EPHA10: variants seen among roughly 807,000 people sequenced by gnomAD.
EPHA10 encodes the protein EPH receptor A10, also known as ephrin type-A receptor 10.
Under a neutral mutation model 109.7 loss-of-function variants are expected in EPHA10, and 120 were observed. The ratio of observed to expected loss-of-function variants is 1.09; its 90% CI spans 0.94 to 1.27. The LOEUF (loss-of-function observed/expected upper bound fraction) is 1.27, where lower values mean the gene tolerates loss of function less well. Among genes scored for constraint, EPHA10 ranks in the 50% most tolerant of loss-of-function variants. The pLI is 0.00. For synonymous variants in EPHA10, 640 were observed against 618.9 expected, an observed-to-expected ratio of 1.03 and a Z score of -0.51; for missense variants, 1,396 against 1,411.1, an observed-to-expected ratio of 0.99 and a Z score of 0.17.
chr1:37,730,197 G>C (rs1645959197), intron 7 of EPHA10, among the ~76,000 whole-genome samples: 1 of 152,178 alleles, frequency 6.6e-6, no homozygotes, highest in Non-Finnish European at 1.5e-5. Context: ...GCCGAGGTCT[G>C]ACACTTTTTG....
At position 37,716,222 on chromosome 1, in the gene EPHA10, T is replaced by TTTGTTTAATGATAC; in HGVS notation, c.*2149_*2150insGTATCATTAAACAA. ...TGAGGCCTGGGACCCAACAGGATTCTGGGACCTCACTCCTCAGTGGAGGGG... is the reference window on the plus strand; with the variant it reads ...TGAGGCCTGGGACCCAACAGGATTCTTTGTTTAATGATACGGGACCTCACTCCTCAGTGGAGGGG... On this transcript the variant is annotated 3_prime_UTR_variant, in exon 17 of 17. Coordinates refer to ENST00000373048, the MANE Select transcript of EPHA10 (RefSeq NM_001099439.2). 2 of 316,164 alleles carry TTTGTTTAATGATAC rather than the reference T, an allele frequency of 6.3e-6. No individual in the cohort carries two copies. Among genetic ancestry groups the TTTGTTTAATGATAC allele is most frequent in the Non-Finnish European group, 1.2e-5 (2 of 168,344 alleles). 19.6% of individuals were successfully genotyped at this position (316,164 alleles called of 1,614,324 possible).
chr1:37,721,710 C>G lies in EPHA10; in HGVS notation c.2096G>C (p.Gly699Ala), dbSNP rs1453053073. 6.2e-7 allele frequency: 1 copy of G among 1,612,224 alleles called. No individual in the cohort carries two copies. Among genetic ancestry groups the G allele is most frequent in the African/African-American group, 1.3e-5 (1 of 74,892 alleles). ...LGFLAEALTL[G>A]QFDHSHIVRL... ...CACGATGTGGCTATGGTCAAACTGG[C>G]CCAGCGTGAGGGCCTCGGCCAGGAA... is the stretch of plus-strand genomic sequence containing the variant. Residue 699 changes from glycine to alanine, a missense_variant, in exon 11 of 17, where the codon GGC becomes GCC. Gly to Ala is a moderately conservative substitution (Grantham distance 60). Coordinates refer to ENST00000373048, the MANE Select transcript of EPHA10 (RefSeq NM_001099439.2).
chr1:37,733,018 G>A (rs1219912069), intron 6 of EPHA10, among the ~76,000 whole-genome samples: 1 of 150,524 alleles, frequency 6.6e-6, no homozygotes, highest in Non-Finnish European at 1.5e-5. Flanking sequence ...TCAGCCTCCT[G>A]AGTAGCTGGG....
chr1:37,726,956 T>C, intron 8 of EPHA10, 146 bp downstream of exon 8: 1 of 517,986 alleles, frequency 1.9e-6, no homozygotes, highest in Non-Finnish European at 3.3e-6. Flanking sequence ...GGGGCCGGGA[T>C]GATGCATGCC....
intron 8 of EPHA10, 116 bp from the exon 9 acceptor site, chr1:37,723,488 G>A: frequency 1.7e-6 from 2 of 1,171,474 alleles, no homozygotes; most frequent in Non-Finnish European, 2.4e-6. Context: ...TGCCCTGGGG[G>A]AGGGAACTTC....
chr1:37,735,510 G>T, intron 5 of EPHA10, 120 bp from the exon 6 acceptor site: 1 of 1,230,094 alleles, frequency 8.1e-7, no homozygotes, highest in Non-Finnish European at 1.1e-6. Flanking sequence ...CTGGGGCGTG[G>T]TCTAACGGGC....
chr1:37,726,068 C>T (rs1645887094), intron 8 of EPHA10, among the ~76,000 whole-genome samples: 1 of 152,224 alleles, frequency 6.6e-6, no homozygotes, highest in South Asian at 2.1e-4. Context: ...CTGGGGCGCT[C>T]CTGTCCTGCA....
intron 3 of EPHA10, among the ~76,000 whole-genome samples, chr1:37,755,726 T>C (rs1646388001): frequency 6.6e-6 from 1 of 152,102 alleles, no homozygotes; most frequent in Non-Finnish European, 1.5e-5. Context: ...ATTTTCACAA[T>C]AATGATAGTA....
At chr1:37,735,513 T>C (rs138146907) in intron 5 of EPHA10, 123 bp from the exon 6 acceptor site, 4 of 1,189,554 alleles carry the variant, frequency 3.4e-6, no homozygotes, top group Non-Finnish European at 4.6e-6. Flanking sequence ...GGGCGTGGTC[T>C]AACGGGCTGT....
intron 5 of EPHA10, among the ~76,000 whole-genome samples, chr1:37,749,203 G>A (rs1411217279): frequency 2.0e-5 from 3 of 151,314 alleles, no homozygotes; most frequent in Non-Finnish European, 4.4e-5. Flanking sequence ...GATTACAGGC[G>A]TGAGCCACTG....
chr1:37,752,461 T>C (rs1646342300), intron 5 of EPHA10, among the ~76,000 whole-genome samples: 1 of 152,082 alleles, frequency 6.6e-6, no homozygotes, highest in Non-Finnish European at 1.5e-5. Context: ...CTGACATTTT[T>C]TTAAAGGGAA....
chr1:37,734,847 C>T (rs1646043169), intron 6 of EPHA10, among the ~76,000 whole-genome samples: 1 of 152,186 alleles, frequency 6.6e-6, no homozygotes, highest in East Asian at 1.9e-4. Context: ...TCTACCAGCA[C>T]ACCACCACAC....
intron 11 of EPHA10, 142 bp from the exon 12 acceptor site, chr1:37,720,986 G>T: frequency 1.4e-6 from 1 of 724,574 alleles, no homozygotes; most frequent in Non-Finnish European, 2.3e-6. Context: ...CTCCTGCCCA[G>T]CCCAGGGTCC....
chr1:37,729,372 C>T (rs1645944265), intron 7 of EPHA10, among the ~76,000 whole-genome samples: 1 of 152,192 alleles, frequency 6.6e-6, no homozygotes, highest in African/African-American at 2.4e-5. Context: ...GTTGGGGCAA[C>T]TCATTACATA....
intron 7 of EPHA10, among the ~76,000 whole-genome samples, chr1:37,729,889 C>T (rs548569827): frequency 3.2e-4 from 49 of 151,322 alleles, no homozygotes; most frequent in African/African-American, 1.1e-3. Flanking sequence ...AAAAAAAAAT[C>T]TCAATTTGGA....
intron 16 of EPHA10, 22 bp downstream of exon 16, chr1:37,718,639 G>A (rs1408967747): frequency 6.2e-7 from 1 of 1,613,128 alleles, no homozygotes; most frequent in Non-Finnish European, 8.5e-7. Flanking sequence ...CCCCGGCCTT[G>A]ACCTTGGTGC....
intron 5 of EPHA10, among the ~76,000 whole-genome samples, chr1:37,738,340 G>A (rs550966): frequency 1.3e-5 from 2 of 151,746 alleles, no homozygotes; most frequent in Admixed American, 6.6e-5. Context: ...GCACTCCAGC[G>A]TGGGCAACAG....
Position 37,764,928 on chromosome 1 carries a change from C to T in EPHA10, c.106+33G>A. 6.4e-7 allele frequency: 1 copy of T among 1,569,368 alleles called. No individual in the cohort carries two copies. The highest frequency in any genetic ancestry group is 8.6e-7 in the Non-Finnish European group (1 of 1,156,480). ...GCCAGCCCCCTATCTTTTGGTATGC[C>T]ACGCTCCGAGCAGAGCTCACCAGTC... is the stretch of plus-strand genomic sequence containing the variant. On this transcript the variant is annotated intron_variant, in intron 1 of 16. Coordinates refer to ENST00000373048, the MANE Select transcript of EPHA10 (RefSeq NM_001099439.2). This position sits in a 1 kb window ranked among gnomAD's most constrained non-coding sequence, Gnocchi z 5.8.
chr1:37,741,789 G>A (rs1646157947), intron 5 of EPHA10, among the ~76,000 whole-genome samples: 1 of 149,676 alleles, frequency 6.7e-6, no homozygotes, highest in East Asian at 2.0e-4. Flanking sequence ...TCTTTGTCAA[G>A]TGGACAATGC....
Sources: allele counts gnomAD v4.1 joint callset (sites outside exome capture counted in the v4.1 genomes callset), GRCh38; gene constraint gnomAD v4.1.1; non-coding constraint Gnocchi (gnomAD v3.1); transcripts MANE v1.5; gene names NCBI Gene and HGNC (gene_info 2026-07-23, HGNC 2026-07-21).